NOL8: variants seen among roughly 807,000 people sequenced by gnomAD.
NOL8 encodes nucleolar protein 8.
NOL8 carries 93 observed loss-of-function variants against 116.1 expected under a neutral mutation model. The ratio of observed to expected loss-of-function variants is 0.80; its 90% CI spans 0.68 to 0.95. The LOEUF is 0.95. NOL8 is among the 40% of genes least tolerant of loss of function. The pLI is 0.00. For synonymous variants in NOL8, 419 were observed against 469.0 expected (o/e 0.89, Z 1.38); for missense variants, 1,291 against 1,382.8 (o/e 0.93, Z 1.05).
At chr9:92,324,800 TAC>T (rs1209102329) in intron 1 of NOL8, 2 of 152,250 alleles carry the variant, frequency 1.3e-5, no homozygotes, top group African/African-American at 4.8e-5. Flanking sequence ...ATATAGCGAA[TAC>T]AGACTTGTGT....
intron 9 of NOL8, 143 bp downstream of exon 9, chr9:92,310,410 A>G: frequency 8.6e-7 from 1 of 1,164,564 alleles, no homozygotes; most frequent in Non-Finnish European, 1.2e-6. Flanking sequence ...CCAATCAGAG[A>G]GGATCACAGA....
chr9:92,319,059 G>C, intron 5 of NOL8, 162 bp downstream of exon 5: 1 of 672,322 alleles, frequency 1.5e-6, no homozygotes, highest in Non-Finnish European at 2.3e-6. Context: ...TTACCTAAGA[G>C]TTGTAAATGC....
rs1282183879 is a variant in NOL8 at position 92,315,457 on chromosome 9, T to C, written c.1168A>G (p.Asn390Asp). Residue 390 changes from asparagine (N) to aspartate (D), a missense_variant, in exon 7 of 17, where the codon AAT (asparagine) becomes GAT (aspartate). Coordinates refer to ENST00000442668, the MANE Select transcript of NOL8 (RefSeq NM_017948.6). ...DTDEIIAMKK[N>D]VAKVKNSTEF... Reference sequence around the variant, plus strand: ...GTACTGTTTTTGACCTTAGCAACATTTTTTTTCATCGCAATAATTTCATCT... The same window carrying C: ...GTACTGTTTTTGACCTTAGCAACATCTTTTTTCATCGCAATAATTTCATCT... The C allele has an allele frequency of 6.3e-7, 1 of 1,598,892 alleles. No individual in the cohort carries two copies. Among genetic ancestry groups the C allele is most frequent in the Admixed American group, 1.7e-5 (1 of 57,210 alleles).
Position 92,315,494 on chromosome 9 carries a change from G to C in NOL8, c.1131C>G (p.Asp377Glu). ...CAATAATTTCATCTGTATCTCCTGA[G>C]TCATACTCACGATCATTTCTCATAA... is the stretch of plus-strand genomic sequence containing the variant. ...DDIMRNDREY[D>E]SGDTDEIIAM... The change falls in exon 7 of 17, where the codon GAC becomes GAG. Residue 377 changes from aspartate (D) to glutamate (E), a missense_variant. Transcript: ENST00000442668. 6.2e-7 allele frequency: 1 copy of C among 1,608,768 alleles called. No homozygotes were observed. Among genetic ancestry groups the C allele is most frequent in the Admixed American group, 1.7e-5 (1 of 59,296 alleles).
chr9:92,300,839 ATC>A, intron 13 of NOL8: 1 of 1,096,418 alleles, frequency 9.1e-7, no homozygotes, highest in Non-Finnish European at 1.1e-6. Flanking sequence ...AATTATTTTA[ATC>A]TACCAAACAC....
chr9:92,310,845 T>G, intron 8 of NOL8, 170 bp from the exon 9 acceptor site: 1 of 681,528 alleles, frequency 1.5e-6, no homozygotes, highest in Middle Eastern at 2.5e-4. Context: ...CTAACTGGCC[T>G]CTGGGATCAC....
chr9:92,315,354 C>T lies in NOL8; in HGVS notation c.1271G>A (p.Cys424Tyr). ...GCTTTTTCTTTTTTGTAGTTTAATA[C>T]AGTGATCAGAAAGCTCACAGTTTTC... is the stretch of plus-strand genomic sequence containing the variant. ...NRENCELSDH[C>Y]IKLQKRKSNV... The change falls in exon 7 of 17, where the codon TGT (cysteine) becomes TAT (tyrosine). Residue 424 changes from cysteine to tyrosine, a missense_variant. Physicochemically the swap from Cys to Tyr is radical, Grantham distance 194 (BLOSUM62 -2). Coordinates refer to ENST00000442668, the MANE Select transcript of NOL8 (RefSeq NM_017948.6). 6.2e-7 allele frequency: 1 copy of T among 1,610,984 alleles called. No homozygotes were observed. Among genetic ancestry groups the T allele is most frequent in the South Asian group, 1.1e-5 (1 of 90,674 alleles).
At chr9:92,312,843 A>AAAAAAG (rs1554741475) in intron 7 of NOL8, among the ~76,000 whole-genome samples, 20 of 148,590 alleles carry the variant, frequency 1.3e-4, no homozygotes, top group East Asian at 2.0e-4. Flanking sequence ...AAAAAAAAAA[A>AAAAAAG]AAAAAGAAAA....
chr9:92,302,113 A>G (rs1224319817), intron 12 of NOL8, among the ~76,000 whole-genome samples: 1 of 152,198 alleles, frequency 6.6e-6, no homozygotes, highest in African/African-American at 2.4e-5. Flanking sequence ...TGCCTAAACT[A>G]TACACCTAGG....
chr9:92,305,900 A>G (rs1838209488), intron 11 of NOL8, 70 bp from the exon 12 acceptor site: 1 of 1,010,070 alleles, frequency 9.9e-7, no homozygotes, highest in Admixed American at 2.0e-5. Context: ...TAAGTAGCAA[A>G]TTATAATTCA....
intron 14 of NOL8, among the ~76,000 whole-genome samples, chr9:92,299,310 T>C (rs1434382031): frequency 1.3e-5 from 2 of 152,208 alleles, no homozygotes; most frequent in East Asian, 3.9e-4. Flanking sequence ...CCCAGTCAAC[T>C]GCAACATCCT....
chr9:92,319,328 C>G lies in NOL8; in HGVS notation c.310G>C (p.Ala104Pro). 1 of 1,592,712 alleles carries G rather than the reference C, an allele frequency of 6.3e-7. No individual in the cohort carries two copies. Among genetic ancestry groups the G allele is most frequent in the Non-Finnish European group, 8.5e-7 (1 of 1,172,364 alleles). ...CCTGTTGTTGATTCTTCTTTCTTAG[C>G]TTTTGCTGCTTCTCTCTCTTGGGCC... ...RLAQEREAAK[A>P]KKEESTTGNA... The change falls in exon 5 of 17, where the codon GCT becomes CCT. Residue 104 changes from alanine to proline, a missense_variant. Physicochemically the swap from Ala to Pro is conservative, Grantham distance 27 (BLOSUM62 -1). Coordinates refer to ENST00000442668, the MANE Select transcript of NOL8 (RefSeq NM_017948.6).
At chr9:92,298,981 G>A (rs1188594851) in intron 14 of NOL8, 27 bp from the exon 15 acceptor site, 2 of 1,305,606 alleles carry the variant, frequency 1.5e-6, no homozygotes, top group Admixed American at 5.0e-5. Context: ...AAAGGAGAGA[G>A]AAAAATAGGT....
intron 5 of NOL8, chr9:92,318,893 A>C: frequency 1.8e-6 from 1 of 553,858 alleles, no homozygotes; most frequent in Non-Finnish European, 3.1e-6. Flanking sequence ...ATCAATCCCA[A>C]GTAAACCGTG....
intron 3 of NOL8, among the ~76,000 whole-genome samples, chr9:92,322,532 T>C (rs538832598): frequency 2.0e-4 from 30 of 152,312 alleles, no homozygotes; most frequent in Admixed American, 3.9e-4. Context: ...AATTGTGGTA[T>C]TTTTAGTAAA....
intron 4 of NOL8, among the ~76,000 whole-genome samples, chr9:92,321,464 AC>A (rs1200913875): frequency 6.6e-6 from 1 of 152,238 alleles, no homozygotes; most frequent in African/African-American, 2.4e-5. Flanking sequence ...ATAGCTTATT[AC>A]ATACATACGT....
At chr9:92,302,452 T>G (rs867446652) in intron 12 of NOL8, among the ~76,000 whole-genome samples, 2 of 152,232 alleles carry the variant, frequency 1.3e-5, no homozygotes, top group Admixed American at 1.3e-4. Flanking sequence ...AAGTTTGTAA[T>G]GTACTACGTA....
At chr9:92,298,129 C>T (rs1837400641) in intron 16 of NOL8, 128 bp downstream of exon 16, 7 of 730,648 alleles carry the variant, frequency 9.6e-6, no homozygotes, top group East Asian at 8.2e-5. Context: ...GATTCTGAGA[C>T]CAGTCACTCA....
chr9:92,302,172 G>C (rs1478265478), intron 12 of NOL8, among the ~76,000 whole-genome samples: 1 of 152,058 alleles, frequency 6.6e-6, no homozygotes, highest in African/African-American at 2.4e-5. Context: ...TTTTCTCATA[G>C]GCAAAATGAA....
Sources: allele counts gnomAD v4.1 joint callset (sites outside exome capture counted in the v4.1 genomes callset), GRCh38; gene constraint gnomAD v4.1.1; transcripts MANE v1.5; gene names NCBI Gene and HGNC (gene_info 2026-07-23, HGNC 2026-07-21).